Variants in EPS8 observed in about 807,000 individuals in gnomAD.
EPS8 encodes the protein epidermal growth factor receptor kinase substrate 8.
In EPS8, 42 loss-of-function variants were observed where a neutral mutation model predicts 103.8. The observed-to-expected ratio is 0.40, with a 90% confidence interval of 0.32 to 0.52. The LOEUF (loss-of-function observed/expected upper bound fraction) is 0.52. Among genes scored for constraint, EPS8 ranks in the 20% least tolerant of loss-of-function variants. The pLI, the probability that EPS8 is intolerant of heterozygous loss-of-function variation, is 0.40. For missense variants in EPS8, 969 were observed against 1,005.1 expected (o/e 0.96, Z 0.49); for synonymous variants, 344 against 344.6 (o/e 1.00, Z 0.02).
Position 15,779,172 on chromosome 12 carries a change from G to A in EPS8, c.-22+9989C>T, listed in dbSNP as rs771420745. Among the ~76,000 whole-genome samples the A allele has an allele frequency of 7.4e-4, 113 of 152,100 alleles. No homozygotes were observed. The highest frequency in any genetic ancestry group is 1.9e-3 in the South Asian group (9 of 4,822). On this transcript the variant is annotated intron_variant, in intron 1 of 20. Transcript: ENST00000281172. The surrounding 1 kb of genome is among the most constrained non-coding windows in gnomAD (Gnocchi z 4.3). ...TTTGTATTTTTAGTAGAGACAGGGC[G>A]TCTCTATGTTTGTCAGGCTGGTCTC... is the stretch of plus-strand genomic sequence containing the variant.
chr12:15,665,874 G>T lies in EPS8; in HGVS notation c.618C>A (p.Asp206Glu), dbSNP rs1945699756. 6.2e-7 allele frequency: 1 copy of T among 1,613,862 alleles called. No individual in the cohort carries two copies. The highest frequency in any genetic ancestry group is 2.2e-5 in the East Asian group (1 of 44,860). ...CTCTGGGTGGAGGCGGTATACTAGG[G>T]TCTGCATTGGAAATCATCCTTAAAA... is the stretch of plus-strand genomic sequence containing the variant. The part of the protein sequence containing the change: ...PDALRMISNA[D>E]PSIPPPPRAP... The change falls in exon 8 of 21, where the codon GAC becomes GAA. Residue 206 changes from aspartate to glutamate, a missense_variant. Asp to Glu is a conservative substitution (Grantham distance 45). Transcript: ENST00000281172.
intron 20 of EPS8, 110 bp from the exon 21 acceptor site, chr12:15,621,540 T>G (rs1944862606): frequency 1.7e-6 from 1 of 603,670 alleles, no homozygotes; most frequent in Non-Finnish European, 2.9e-6. Context: ...CTAGTATCTC[T>G]TTAGGAAAGC....
chr12:15,650,700 C>T (rs1409122069), intron 14 of EPS8, 123 bp downstream of exon 14: 3 of 799,934 alleles, frequency 3.8e-6, no homozygotes, highest in Non-Finnish European at 5.9e-6. Flanking sequence ...GACAGGGTAA[C>T]ATTCAGACTT....
chr12:15,683,128 G>A, intron 1 of EPS8, 156 bp from the exon 2 acceptor site: 3 of 442,946 alleles, frequency 6.8e-6, no homozygotes, highest in South Asian at 4.5e-5. Context: ...AGGCCCCAGA[G>A]GTATAGATGA....
At chr12:15,669,267 G>T in intron 6 of EPS8, 120 bp downstream of exon 6, 3 of 796,276 alleles carry the variant, frequency 3.8e-6, no homozygotes, top group Non-Finnish European at 5.7e-6. Context: ...TTTTCCTTAC[G>T]AGATGCTCAG....
At position 15,695,963 on chromosome 12, in the gene EPS8, A is replaced by G. The variant is rs1565504913; in HGVS notation, c.-21-12991T>C. 6.6e-6 allele frequency among the ~76,000 whole-genome samples: 1 copy of G among 152,330 alleles called. No homozygotes were observed. Among genetic ancestry groups the G allele is most frequent in the East Asian group, 1.9e-4 (1 of 5,178 alleles). ...TCTGTTAATTTATTAAAAAGTAAAA[A>G]TAAAACAGATAGCGTTTATAAGGAT... On this transcript the variant is annotated intron_variant, in intron 1 of 20. Transcript: ENST00000281172. The surrounding 1 kb of genome is among the most constrained non-coding windows in gnomAD (Gnocchi z 5.0).
intron 15 of EPS8, among the ~76,000 whole-genome samples, chr12:15,645,002 T>C (rs1945296795): frequency 6.6e-6 from 1 of 152,118 alleles, no homozygotes; most frequent in South Asian, 2.1e-4. Context: ...TACCCACCAC[T>C]CAAGGTATTC....
chr12:15,740,046 A>T (rs1946804299), intron 1 of EPS8, among the ~76,000 whole-genome samples: 1 of 152,154 alleles, frequency 6.6e-6, no homozygotes, highest in Non-Finnish European at 1.5e-5. Context: ...CTCCGAGGTG[A>T]CGGCAAAGTT....
In EPS8 at chr12:15,752,813, T is replaced by C. The variant is rs1389915306; in HGVS notation, c.-22+36348A>G. On this transcript the variant is annotated intron_variant, in intron 1 of 20. Transcript: ENST00000281172. The surrounding 1 kb of genome is among the most constrained non-coding windows in gnomAD (Gnocchi z 4.4). ...TGTAATGCCTCTTTATATTTATCAGTCACATAACACCTTAAAAATACCTTT... is the reference window on the plus strand; with the variant it reads ...TGTAATGCCTCTTTATATTTATCAGCCACATAACACCTTAAAAATACCTTT... Among the ~76,000 whole-genome samples, 1 of 152,138 alleles carries C rather than the reference T, an allele frequency of 6.6e-6. No individual in the cohort carries two copies. Among genetic ancestry groups the C allele is most frequent in the Non-Finnish European group, 1.5e-5 (1 of 68,026 alleles).
Position 15,682,902 on chromosome 12 carries a change from G to C in EPS8, c.50C>G (p.Ser17Cys). The C allele has an allele frequency of 6.5e-7, 1 of 1,531,674 alleles. No individual in the cohort carries two copies. The highest frequency in any genetic ancestry group is 9.0e-7 in the Non-Finnish European group (1 of 1,113,888). 94.9% of individuals were successfully genotyped at this position (1,531,674 alleles called of 1,614,324 possible). A position where few individuals can be genotyped will look rare whatever the true frequency, so the allele number is the denominator to read the frequency against. ...AAACTTTTCAACTTACTTCATCTGA[G>C]ATGGGTACATTCCAAAACTACTGGG... ...NHPSSFGMYP[S>C]QMNGYGSSPT... The change falls in exon 2 of 21, where the codon TCT (serine) becomes TGT (cysteine). Residue 17 changes from serine (S) to cysteine (C), a missense_variant. Coordinates refer to ENST00000281172, the MANE Select transcript of EPS8 (RefSeq NM_004447.6).
Position 15,745,543 on chromosome 12 carries a change from CTA to C in EPS8, c.-22+43616_-22+43617del, listed in dbSNP as rs1335054502. ...ACAGTCCCCATCTGACTCCAAAAATCTATGACTATGTATCCAAAAAAAAAAAA... is the reference window on the plus strand; with the variant it reads ...ACAGTCCCCATCTGACTCCAAAAATCTGACTATGTATCCAAAAAAAAAAAA... On this transcript the variant is annotated intron_variant, in intron 1 of 20. Transcript: ENST00000281172. This position sits in a 1 kb window ranked among gnomAD's most constrained non-coding sequence, Gnocchi z 4.6. Among the ~76,000 whole-genome samples the C allele has an allele frequency of 1.3e-4, 17 of 135,338 alleles. No homozygotes were observed. Among genetic ancestry groups the C allele is most frequent in the Non-Finnish European group, 2.5e-4 (16 of 64,480 alleles). The allele number at this position is 135,338 out of a possible 152,430, so 88.8% of individuals were successfully genotyped here. A position where few individuals can be genotyped will look rare whatever the true frequency, so the allele number is the denominator to read the frequency against.
intron 19 of EPS8, among the ~76,000 whole-genome samples, chr12:15,623,504 T>C (rs1944894467): frequency 6.6e-6 from 1 of 152,156 alleles, no homozygotes; most frequent in Non-Finnish European, 1.5e-5. Flanking sequence ...TTACAAAGTA[T>C]CAAAAATGAG....
At chr12:15,681,136 A>C in intron 3 of EPS8, 90 bp downstream of exon 3, 1 of 514,762 alleles carries the variant, frequency 1.9e-6, no homozygotes, top group Non-Finnish European at 3.4e-6. Flanking sequence ...AACAATATTA[A>C]ATGTGTGGGT....
intron 13 of EPS8, among the ~76,000 whole-genome samples, 194 bp from the exon 14 acceptor site, chr12:15,651,200 C>T (rs866800390): frequency 6.6e-6 from 1 of 152,184 alleles, no homozygotes; most frequent in Non-Finnish European, 1.5e-5. Context: ...GTATTTCACA[C>T]CTTAATAAAA....
chr12:15,651,791 T>C (rs7132496), intron 13 of EPS8, among the ~76,000 whole-genome samples: 6,433 of 152,298 alleles, frequency 0.042, 311 homozygotes, highest in African/African-American at 0.12. Flanking sequence ...CAGATTGTTA[T>C]AGACTTTCAT....
At chr12:15,729,489 C>T (rs934713730) in intron 1 of EPS8, among the ~76,000 whole-genome samples, 1 of 151,984 alleles carries the variant, frequency 6.6e-6, no homozygotes, top group Non-Finnish European at 1.5e-5. Context: ...TTTCTATTGC[C>T]CTACCTCCAA....
At chr12:15,669,248 A>C (rs1015790630) in intron 6 of EPS8, 139 bp downstream of exon 6, 3 of 642,246 alleles carry the variant, frequency 4.7e-6, no homozygotes, top group Non-Finnish European at 7.7e-6. Context: ...GAAGATACTA[A>C]GGTATTTGTT....
chr12:15,768,203 G>A (rs1947116321), intron 1 of EPS8, among the ~76,000 whole-genome samples: 1 of 152,028 alleles, frequency 6.6e-6, no homozygotes, highest in African/African-American at 2.4e-5. Context: ...ACTTTGGGAG[G>A]CCAAGGCGGG....
In EPS8 at chr12:15,736,572, T is replaced by C. The variant is rs1451419334; in HGVS notation, c.-22+52589A>G. On this transcript the variant is annotated intron_variant, in intron 1 of 20. Coordinates refer to ENST00000281172, the MANE Select transcript of EPS8 (RefSeq NM_004447.6). This position sits in a 1 kb window ranked among gnomAD's most constrained non-coding sequence, Gnocchi z 4.2. Reference sequence around the variant, plus strand: ...TCAAGCTTGGTTAAGATCTTATTAATAAATCTTTCTTTTTCTATAGGTTCT... The same window carrying C: ...TCAAGCTTGGTTAAGATCTTATTAACAAATCTTTCTTTTTCTATAGGTTCT... Among the ~76,000 whole-genome samples the C allele has an allele frequency of 1.3e-5, 2 of 152,242 alleles. No individual in the cohort carries two copies. The highest frequency in any genetic ancestry group is 2.4e-5 in the African/African-American group (1 of 41,458).
Sources: allele counts gnomAD v4.1 joint callset (sites outside exome capture counted in the v4.1 genomes callset), GRCh38; gene constraint gnomAD v4.1.1; non-coding constraint Gnocchi (gnomAD v3.1); transcripts MANE v1.5; gene names NCBI Gene and HGNC (gene_info 2026-07-23, HGNC 2026-07-21).